The following HEATR4 variants were observed in gnomAD, a reference collection of about 807,000 sequenced individuals.
The protein encoded by HEATR4 is HEAT repeat containing 4.
A neutral mutation model predicts 108.8 loss-of-function variants in HEATR4; 95 were observed. The observed-to-expected ratio is 0.87, with a 90% CI of 0.74 to 1.04. HEATR4 has a LOEUF of 1.04. HEATR4 is among the 50% of genes least tolerant of loss of function. HEATR4 has a pLI of 0.00. For synonymous variants in HEATR4, 443 were observed against 459.4 expected (o/e 0.96, Z 0.46); for missense variants, 1,152 against 1,253.8 (o/e 0.92, Z 1.23).
chr14:73,574,812 G>A, the HEATR4 span: 1 of 1,591,766 alleles, frequency 6.3e-7, no homozygotes, highest in Non-Finnish European at 8.6e-7. Flanking sequence ...CCTAGATTCA[G>A]ACTCAGGTTC....
the HEATR4 span, among the ~76,000 whole-genome samples, chr14:73,630,020 T>C: frequency 1.2e-4 from 17 of 142,936 alleles, no homozygotes; most frequent in Non-Finnish European, 2.0e-4. Context: ...CAAGACACCA[T>C]CTCAAAAAAA....
At chr14:73,491,285 G>T in intron 17 of HEATR4, 2 of 1,555,462 alleles carry the variant, frequency 1.3e-6, no homozygotes, top group Non-Finnish European at 8.7e-7. Context: ...GGCCGTCCCG[G>T]ACGCAGCCCG....
the HEATR4 span, chr14:73,592,062 C>T: frequency 6.8e-7 from 1 of 1,479,334 alleles, no homozygotes; most frequent in Non-Finnish European, 9.0e-7. Flanking sequence ...GGTTACGCTG[C>T]GCGCGTCCCT....
chr14:73,575,490 G>A, the HEATR4 span: 1 of 1,508,524 alleles, frequency 6.6e-7, no homozygotes, highest in South Asian at 1.3e-5. Flanking sequence ...TGGCCACGAG[G>A]GGACAATCCC....
chr14:73,582,419 T>C, the HEATR4 span: 16 of 150,852 alleles, frequency 1.1e-4, 1 homozygote, highest in African/African-American at 2.5e-4. Flanking sequence ...GGATAGGTAC[T>C]TAAGGGAGTG....
chr14:73,496,945 C>G (rs1191853899), intron 14 of HEATR4, among the ~76,000 whole-genome samples: 1 of 152,194 alleles, frequency 6.6e-6, no homozygotes, highest in East Asian at 1.9e-4. Flanking sequence ...AGCTGGAGTG[C>G]AATGGCACGA....
At chr14:73,578,717 G>A in the HEATR4 span, among the ~76,000 whole-genome samples, 2 of 151,920 alleles carry the variant, frequency 1.3e-5, no homozygotes, top group African/African-American at 4.8e-5. Context: ...ACTTTGGGAG[G>A]CCAAGGTGGG....
chr14:73,593,600 C>T, the HEATR4 span: 1 of 1,162,376 alleles, frequency 8.6e-7, no homozygotes, highest in Non-Finnish European at 1.2e-6. Flanking sequence ...GCCTTGGCCT[C>T]CTAAAGTGCT....
At chr14:73,560,546 C>T (rs1286847137), upstream of HEATR4, among the ~76,000 whole-genome samples, 1 of 151,592 alleles carries the variant, frequency 6.6e-6, no homozygotes, top group Non-Finnish European at 1.5e-5. Context: ...GCCTGTAGTC[C>T]CAGCTACTTG....
chr14:73,489,002 G>A (rs1885559359), intron 17 of HEATR4, among the ~76,000 whole-genome samples: 3 of 151,854 alleles, frequency 2.0e-5, no homozygotes, highest in African/African-American at 7.3e-5. Context: ...AGAGGTTGGG[G>A]TAACACAGCA....
chr14:73,629,893 C>G, the HEATR4 span, among the ~76,000 whole-genome samples: 1 of 151,870 alleles, frequency 6.6e-6, no homozygotes, highest in Non-Finnish European at 1.5e-5. Context: ...GAGATCCGCC[C>G]TCCTCGGCCT....
chr14:73,570,016 A>C, the HEATR4 span: 1 of 1,353,846 alleles, frequency 7.4e-7, no homozygotes, highest in Non-Finnish European at 9.7e-7. Flanking sequence ...CAGGTTTCGA[A>C]TTCCTGGTCT....
chr14:73,528,307 G>A (rs1382120630), intron 2 of HEATR4, among the ~76,000 whole-genome samples: 2 of 143,710 alleles, frequency 1.4e-5, no homozygotes, highest in East Asian at 4.5e-4. Flanking sequence ...AGGCAGAATC[G>A]CTTGAAGCTG....
intron 6 of HEATR4, among the ~76,000 whole-genome samples, chr14:73,513,823 C>T (rs976446279): frequency 1.3e-5 from 2 of 151,012 alleles, no homozygotes; most frequent in Non-Finnish European, 2.9e-5. Flanking sequence ...AAGTAATACC[C>T]ATCCATGCAA....
rs866192463 is a variant in HEATR4 at position 73,522,519 on chromosome 14, C to T, written c.634G>A (p.Glu212Lys). Residue 212 changes from glutamate (E) to lysine (K), a missense_variant, in exon 3 of 18, where the codon GAG becomes AAG. By Grantham distance (56) the Glu-to-Lys change is moderately conservative. Transcript: ENST00000553558. ...CTCTGGATCCATCGGGCTGTGCGCT[C>T]GTTCAGCTTTTCCAGCACAGTGGCC... ...WEATVLEKLN[E>K]RTARWIQSKR... 3 of 1,614,202 alleles carry T rather than the reference C, an allele frequency of 1.9e-6. No homozygotes were observed. The highest frequency in any genetic ancestry group is 1.1e-5 in the South Asian group (1 of 91,084).
At chr14:73,513,728 CAAAAAAAAAAAAAA>C (rs747778891) in intron 6 of HEATR4, among the ~76,000 whole-genome samples, 1 of 46,758 alleles carries the variant, frequency 2.1e-5, no homozygotes, top group African/African-American at 7.6e-5. Flanking sequence ...ACTACGTCTC[CAAAAAAAAAAAAAA>C]AAAAAAAAAA....
chr14:73,620,715 G>C, the HEATR4 span, among the ~76,000 whole-genome samples: 1 of 151,718 alleles, frequency 6.6e-6, no homozygotes, highest in Admixed American at 6.6e-5. Flanking sequence ...CTACAGGCTC[G>C]TGCCACCATG....
chr14:73,500,774 A>C, intron 11 of HEATR4, 44 bp from the exon 12 acceptor site: 1 of 1,582,668 alleles, frequency 6.3e-7, no homozygotes, highest in Non-Finnish European at 8.6e-7. Context: ...TTAAACTTTC[A>C]GTACCTAACC....
the HEATR4 span, chr14:73,596,124 G>A: frequency 6.5e-6 from 1 of 154,888 alleles, no homozygotes; most frequent in Admixed American, 6.3e-5. Flanking sequence ...GACAGGAGGA[G>A]ATGAGACCTG....
Sources: allele counts gnomAD v4.1 joint callset (sites outside exome capture counted in the v4.1 genomes callset), GRCh38; gene constraint gnomAD v4.1.1; transcripts MANE v1.5; gene names NCBI Gene and HGNC (gene_info 2026-07-23, HGNC 2026-07-21).